Variants in MMP26 observed in about 807,000 individuals in gnomAD.
The protein encoded by MMP26 is matrix metallopeptidase 26.
A neutral mutation model predicts 31.0 loss-of-function variants in MMP26; 33 were observed. That is an observed-to-expected ratio of 1.06 (90% confidence interval 0.81 to 1.42). MMP26 has a LOEUF of 1.42. Among genes scored for constraint, MMP26 ranks in the 40% most tolerant of loss-of-function variants. The pLI is 0.00. For missense variants in MMP26, 347 were observed against 316.1 expected, an observed-to-expected ratio of 1.10 and a Z score of -0.74; for synonymous variants, 122 against 114.9, an observed-to-expected ratio of 1.06 and a Z score of -0.40.
chr11:4,849,895 G>T (rs560989129), intron 2 of MMP26, among the ~76,000 whole-genome samples: 76 of 152,244 alleles, frequency 5.0e-4, no homozygotes, highest in African/African-American at 1.5e-3. Flanking sequence ...AGGGGTGCAT[G>T]TGGTATTTTG....
chr11:4,948,598 A>T (rs1341095612), intron 2 of MMP26, among the ~76,000 whole-genome samples: 1 of 124,210 alleles, frequency 8.1e-6, no homozygotes, highest in African/African-American at 2.7e-5. Flanking sequence ...AAGATGAAAC[A>T]TTTGGTCCTA....
chr11:4,900,683 T>C (rs1320863601), intron 2 of MMP26, among the ~76,000 whole-genome samples: 1 of 152,198 alleles, frequency 6.6e-6, no homozygotes, highest in Non-Finnish European at 1.5e-5. Flanking sequence ...CATTGATCTT[T>C]TATATAAAGA....
chr11:4,764,148 AT>A (rs1333446893), intron 1 of MMP26, among the ~76,000 whole-genome samples: 2 of 152,164 alleles, frequency 1.3e-5, no homozygotes, highest in African/African-American at 4.8e-5. Context: ...TTACTCCATA[AT>A]TTTATGTAAC....
intron 2 of MMP26, chr11:4,915,323 AAGG>A (rs1349454227): frequency 2.5e-6 from 4 of 1,613,904 alleles, no homozygotes; most frequent in Non-Finnish European, 3.4e-6. Context: ...GGACTCGAGG[AAGG>A]AGAAGCAGTG....
chr11:4,727,632 A>G (rs888126694), intron 1 of MMP26, among the ~76,000 whole-genome samples: 1 of 152,146 alleles, frequency 6.6e-6, no homozygotes, highest in African/African-American at 2.4e-5. Flanking sequence ...CAACATGGTG[A>G]AAATCCGTCT....
chr11:4,897,253 C>T (rs1015847192), intron 2 of MMP26, among the ~76,000 whole-genome samples: 2 of 152,112 alleles, frequency 1.3e-5, no homozygotes, highest in Admixed American at 1.3e-4. Context: ...AATTCTCCTG[C>T]CTCAGCCTCC....
At chr11:4,837,999 A>G (rs1007508812) in intron 2 of MMP26, among the ~76,000 whole-genome samples, 2 of 152,140 alleles carry the variant, frequency 1.3e-5, no homozygotes, top group Middle Eastern at 3.4e-3. Context: ...TGCAAGAAAA[A>G]GGCATTCTCT....
intron 2 of MMP26, among the ~76,000 whole-genome samples, chr11:4,788,826 T>A (rs983256074): frequency 6.6e-6 from 1 of 152,126 alleles, no homozygotes; most frequent in African/African-American, 2.4e-5. Context: ...CTTTCTCACC[T>A]CAAGTAGACA....
At chr11:4,706,571 C>G (rs1245582549) in intron 1 of MMP26, among the ~76,000 whole-genome samples, 1 of 93,338 alleles carries the variant, frequency 1.1e-5, no homozygotes, top group Non-Finnish European at 2.1e-5. Flanking sequence ...GAGCAAGACC[C>G]TATCTCAAAA....
At chr11:4,720,997 G>A (rs1848003965) in intron 1 of MMP26, among the ~76,000 whole-genome samples, 1 of 152,206 alleles carries the variant, frequency 6.6e-6, no homozygotes, top group African/African-American at 2.4e-5. Context: ...TTGCTGTGAT[G>A]GCACTGATAG....
chr11:4,991,940 T>G (rs1847010332), intron 6 of MMP26, 24 bp from the exon 7 acceptor site: 1 of 1,435,188 alleles, frequency 7.0e-7, no homozygotes, highest in African/African-American at 1.8e-5. Flanking sequence ...TAATTTTATC[T>G]TTTTTTTTTC....
chr11:4,909,680 G>A (rs905656656), intron 2 of MMP26, among the ~76,000 whole-genome samples: 7 of 152,216 alleles, frequency 4.6e-5, no homozygotes, highest in African/African-American at 1.7e-4. Flanking sequence ...TTCCACTGCT[G>A]TTATTTTAGT....
rs1236120619 is a variant in MMP26, at chr11:4,714,910, T to TCTCTCTCC, written c.-217+9872_-217+9873insCCTCTCTC. Among the ~76,000 whole-genome samples, 906 of 132,218 alleles carry TCTCTCTCC rather than the reference T, an allele frequency of 6.9e-3. 10 individuals are homozygous for TCTCTCTCC. The highest frequency in any genetic ancestry group is 0.027 in the African/African-American group (854 of 31,974). 86.7% of individuals were successfully genotyped at this position (132,218 alleles called of 152,430 possible). ...CAGTAAAACCCCAAATCTCTCTCTC[T>TCTCTCTCC]CTCTCTCTCTCACACACACACACAC... On this transcript the variant is annotated intron_variant, in intron 1 of 7. Coordinates refer to ENST00000380390, the MANE Select transcript of MMP26 (RefSeq NM_021801.5).
At chr11:4,772,932 C>T (rs1319691590) in intron 2 of MMP26, among the ~76,000 whole-genome samples, 1 of 152,156 alleles carries the variant, frequency 6.6e-6, no homozygotes, top group Non-Finnish European at 1.5e-5. Context: ...ATTTTAATGG[C>T]TGAAAGTGTG....
chr11:4,826,574 G>A (rs1849580990), intron 2 of MMP26, among the ~76,000 whole-genome samples: 1 of 152,058 alleles, frequency 6.6e-6, no homozygotes, highest in South Asian at 2.1e-4. Context: ...ACCACACAGA[G>A]CCAAGCAATA....
intron 1 of MMP26, among the ~76,000 whole-genome samples, chr11:4,730,725 A>T (rs1346072933): frequency 1.3e-5 from 2 of 152,146 alleles, no homozygotes; most frequent in African/African-American, 4.8e-5. Flanking sequence ...CACCATACTG[A>T]TGAGATTATG....
intron 2 of MMP26, among the ~76,000 whole-genome samples, chr11:4,967,871 A>G (rs1275881314): frequency 6.6e-6 from 1 of 152,214 alleles, no homozygotes; most frequent in Non-Finnish European, 1.5e-5. Flanking sequence ...ATTTGTTTAC[A>G]GCACATAATC....
intron 1 of MMP26, among the ~76,000 whole-genome samples, chr11:4,764,126 TAATA>T (rs1236664923): frequency 1.3e-5 from 2 of 152,232 alleles, no homozygotes; most frequent in African/African-American, 2.4e-5. Context: ...TGTGGCAGGT[TAATA>T]AATTTGTTTA....
chr11:4,916,979 C>G (rs1414068971), intron 2 of MMP26, among the ~76,000 whole-genome samples: 1 of 152,162 alleles, frequency 6.6e-6, no homozygotes, highest in African/African-American at 2.4e-5. Context: ...AGTCTTGTCA[C>G]TGGGAAGAGG....
Sources: allele counts gnomAD v4.1 joint callset (sites outside exome capture counted in the v4.1 genomes callset), GRCh38; gene constraint gnomAD v4.1.1; transcripts MANE v1.5; gene names NCBI Gene and HGNC (gene_info 2026-07-23, HGNC 2026-07-21).